The following SEMA6D variants were observed in gnomAD, a reference collection of about 807,000 sequenced individuals.
The protein encoded by SEMA6D is semaphorin 6D, also known as semaphorin-6D.
Under a neutral mutation model 106.6 loss-of-function variants are expected in SEMA6D, and 35 were observed. The ratio of observed to expected loss-of-function variants is 0.33; its 90% CI spans 0.25 to 0.44. The LOEUF is 0.44. Among genes scored for constraint, SEMA6D ranks in the 20% least tolerant of loss-of-function variants. SEMA6D has a pLI of 1.00. For synonymous variants in SEMA6D, 499 were observed against 487.7 expected, an observed-to-expected ratio of 1.02 and a Z score of -0.31; for missense variants, 1,185 against 1,345.9, an observed-to-expected ratio of 0.88 and a Z score of 1.87.
At chr15:47,464,458 G>A (rs958466217) in intron 2 of SEMA6D, among the ~76,000 whole-genome samples, 1 of 151,946 alleles carries the variant, frequency 6.6e-6, no homozygotes, top group South Asian at 2.1e-4. Context: ...GCCTCATGCC[G>A]AACCACTGCC....
chr15:47,284,387 C>T (rs1426731608), intron 1 of SEMA6D, among the ~76,000 whole-genome samples: 1 of 152,142 alleles, frequency 6.6e-6, no homozygotes, highest in Non-Finnish European at 1.5e-5. Flanking sequence ...ACTGGGCCCC[C>T]GTTTCTTAAC....
chr15:47,616,116 C>A lies in SEMA6D; in HGVS notation c.-55+15220C>A, dbSNP rs562829807. On this transcript the variant is annotated intron_variant, in intron 4 of 19. Coordinates refer to the SEMA6D transcript ENST00000558014. ...GAATTAATATTTACCGATCTCTCACCCTCTTTCATTTGTTATATACTCAAG... is the reference window on the plus strand; with the variant it reads ...GAATTAATATTTACCGATCTCTCACACTCTTTCATTTGTTATATACTCAAG... Among the ~76,000 whole-genome samples, 16 of 152,012 alleles carry A rather than the reference C, an allele frequency of 1.1e-4. No homozygotes were observed. The East Asian group carries it at 2.9e-3, about 28-fold the overall frequency.
At chr15:47,281,748 A>G (rs955213599) in intron 1 of SEMA6D, among the ~76,000 whole-genome samples, 1 of 152,114 alleles carries the variant, frequency 6.6e-6, no homozygotes, top group African/African-American at 2.4e-5. Flanking sequence ...GGAAAACCAA[A>G]ATATTCATGT....
chr15:47,353,410 T>A (rs1595802248), intron 1 of SEMA6D, among the ~76,000 whole-genome samples: 1 of 152,162 alleles, frequency 6.6e-6, no homozygotes, highest in Non-Finnish European at 1.5e-5. Context: ...TTTCTTACAC[T>A]TTTCCCTATA....
chr15:47,764,936 A>G lies in SEMA6D; in HGVS notation c.1307A>G (p.Tyr436Cys), dbSNP rs1404112747. ...CATTCAGCCGGACCCTACCAGAACT[A>G]CACAGTCATCTTTGTTGGCTCTGAA... ...VDHSAGPYQN[Y>C]TVIFVGSEAG... The change falls in exon 13 of 19, where the codon TAC (tyrosine) becomes TGC (cysteine). Residue 436 changes from tyrosine to cysteine, a missense_variant. Coordinates refer to ENST00000536845, the MANE Select transcript of SEMA6D (RefSeq NM_001358351.3). 7 of 1,613,812 alleles carry G rather than the reference A, an allele frequency of 4.3e-6. No individual in the cohort carries two copies. Among genetic ancestry groups the G allele is most frequent in the African/African-American group, 2.7e-5 (2 of 74,916 alleles).
At chr15:47,193,070 C>G (rs1894076850) in intron 1 of SEMA6D, among the ~76,000 whole-genome samples, 1 of 152,126 alleles carries the variant, frequency 6.6e-6, no homozygotes, top group South Asian at 2.1e-4. Context: ...TCACGCTTGC[C>G]CTTGCAGAAA....
intron 4 of SEMA6D, among the ~76,000 whole-genome samples, chr15:47,676,729 A>G (rs898025844): frequency 3.3e-5 from 5 of 152,278 alleles, no homozygotes; most frequent in Admixed American, 3.3e-4. Flanking sequence ...TATTGCTGCA[A>G]AACAAACCAC....
intron 2 of SEMA6D, among the ~76,000 whole-genome samples, chr15:47,433,029 C>T (rs953124052): frequency 2.0e-5 from 3 of 152,016 alleles, no homozygotes; most frequent in African/African-American, 7.2e-5. Flanking sequence ...TTGACTAATT[C>T]CACAAAAATT....
chr15:47,601,430 A>G (rs1387230255), intron 4 of SEMA6D, among the ~76,000 whole-genome samples: 1 of 152,210 alleles, frequency 6.6e-6, no homozygotes, highest in East Asian at 1.9e-4. Flanking sequence ...ATCACATTAA[A>G]TAACATAATA....
intron 1 of SEMA6D, among the ~76,000 whole-genome samples, chr15:47,218,456 A>G (rs1317271650): frequency 6.6e-6 from 1 of 152,188 alleles, no homozygotes; most frequent in Non-Finnish European, 1.5e-5. Flanking sequence ...AATTGTTTCC[A>G]GAAAGTGACT....
intron 3 of SEMA6D, among the ~76,000 whole-genome samples, chr15:47,510,664 G>A (rs1009449807): frequency 6.6e-6 from 1 of 152,214 alleles, no homozygotes; most frequent in Non-Finnish European, 1.5e-5. Context: ...CAGGTGCAGT[G>A]TGAGGTGCAG....
intron 1 of SEMA6D, among the ~76,000 whole-genome samples, chr15:47,296,674 G>A (rs2035814627): frequency 6.6e-6 from 1 of 152,186 alleles, no homozygotes. Flanking sequence ...TCTGGTGAGC[G>A]TTTTATCAAG....
intron 3 of SEMA6D, among the ~76,000 whole-genome samples, chr15:47,535,212 A>G (rs760481991): frequency 1.3e-5 from 2 of 152,286 alleles, no homozygotes; most frequent in Middle Eastern, 3.4e-3. Context: ...GCTTATGCTT[A>G]TGTGATGCTT....
At chr15:47,320,308 G>A (rs80267792) in intron 1 of SEMA6D, among the ~76,000 whole-genome samples, 6,050 of 152,154 alleles carry the variant, frequency 0.04, 160 homozygotes, top group Middle Eastern at 0.15. Context: ...GGTACCCCTG[G>A]CTAGAGACCT....
chr15:47,596,866 G>C (rs1200081093), intron 3 of SEMA6D, among the ~76,000 whole-genome samples: 1 of 151,888 alleles, frequency 6.6e-6, no homozygotes, highest in African/African-American at 2.4e-5. Context: ...ACGCAACATT[G>C]GTTTGAGCAA....
chr15:47,612,803 A>G (rs973269909), intron 4 of SEMA6D, among the ~76,000 whole-genome samples: 2 of 151,966 alleles, frequency 1.3e-5, no homozygotes, highest in African/African-American at 4.8e-5. Flanking sequence ...GTTGAGATTG[A>G]CAAATAGGTG....
chr15:47,329,461 A>T (rs762256600), intron 1 of SEMA6D, among the ~76,000 whole-genome samples: 1 of 152,250 alleles, frequency 6.6e-6, no homozygotes, highest in Non-Finnish European at 1.5e-5. Flanking sequence ...AAACAGGCGT[A>T]TAAGGTTCTG....
chr15:47,189,193 C>T (rs1893784514), intron 1 of SEMA6D, among the ~76,000 whole-genome samples: 1 of 152,058 alleles, frequency 6.6e-6, no homozygotes, highest in Admixed American at 6.6e-5. Flanking sequence ...TTTCTTGATT[C>T]CTCTGTCTCT....
intron 1 of SEMA6D, among the ~76,000 whole-genome samples, chr15:47,342,615 A>G (rs1054083159): frequency 6.6e-6 from 1 of 152,220 alleles, no homozygotes; most frequent in East Asian, 1.9e-4. Context: ...AAAATCTAAA[A>G]TTATTATGAG....
Sources: gnomAD v4.1 joint callset for allele counts (sites outside exome capture counted in the v4.1 genomes callset) on GRCh38, gnomAD v4.1.1 for gene constraint, MANE v1.5 for transcripts, NCBI Gene and HGNC (gene_info 2026-07-23, HGNC 2026-07-21) for gene names.